TMEM135: variants seen among roughly 807,000 people sequenced by gnomAD.
TMEM135 encodes peroxisomal membrane protein 52.
A neutral mutation model predicts 60.3 loss-of-function variants in TMEM135; 30 were observed. The ratio of observed to expected loss-of-function variants is 0.50; its 90% CI spans 0.37 to 0.68. The LOEUF (loss-of-function observed/expected upper bound fraction) is 0.68, where lower values mean the gene tolerates loss of function less well. TMEM135 is among the 30% of genes least tolerant of loss of function. TMEM135 has a pLI of 0.00. For missense variants in TMEM135, 468 were observed against 548.8 expected (o/e 0.85, Z 1.47); for synonymous variants, 190 against 186.7 (o/e 1.02, Z -0.14).
At chr11:87,135,768 G>C (rs561877070) in intron 4 of TMEM135, among the ~76,000 whole-genome samples, 1 of 151,864 alleles carries the variant, frequency 6.6e-6, no homozygotes, top group Non-Finnish European at 1.5e-5. Flanking sequence ...TTCAATTTTT[G>C]TATAAAAAGC....
At position 87,046,126 on chromosome 11, in the gene TMEM135, C is replaced by T. The variant is rs556430917; in HGVS notation, c.141+7940C>T. 1.8e-4 allele frequency among the ~76,000 whole-genome samples: 28 copies of T among 152,262 alleles called. No homozygotes were observed. In the South Asian group the frequency reaches 5.8e-3, roughly 32 times the overall value. On this transcript the variant is annotated intron_variant, in intron 1 of 14. Coordinates refer to ENST00000305494, the MANE Select transcript of TMEM135 (RefSeq NM_022918.4). ...TATTAGATTAACAGTGTAACTCAGG[C>T]CGGGCATGGTGGCTCATGCCTGTAA...
At chr11:87,172,456 C>T (rs879555721) in intron 5 of TMEM135, among the ~76,000 whole-genome samples, 17 of 150,598 alleles carry the variant, frequency 1.1e-4, no homozygotes, top group Admixed American at 6.0e-4. Flanking sequence ...TTTTGTATTA[C>T]GACACGGTAT....
At chr11:87,317,991 C>T (rs888233268) in intron 12 of TMEM135, 146 bp from the exon 13 acceptor site, 48 of 675,370 alleles carry the variant, frequency 7.1e-5, no homozygotes, top group Admixed American at 1.4e-4. Flanking sequence ...TGACCCTTAA[C>T]ATCATTATGA....
At chr11:87,198,234 G>T (rs769149575) in intron 5 of TMEM135, among the ~76,000 whole-genome samples, 5 of 152,038 alleles carry the variant, frequency 3.3e-5, no homozygotes, top group African/African-American at 4.8e-5. Context: ...TCCCATATTT[G>T]AGTAAGAATG....
At chr11:87,306,559 C>A (rs1942546830) in intron 9 of TMEM135, among the ~76,000 whole-genome samples, 1 of 152,148 alleles carries the variant, frequency 6.6e-6, no homozygotes, top group Non-Finnish European at 1.5e-5. Flanking sequence ...AAATTCTTGA[C>A]TCCCTAGTGG....
At chr11:87,236,533 TTTA>T in intron 5 of TMEM135, 102 bp from the exon 6 acceptor site, 1 of 956,428 alleles carries the variant, frequency 1.0e-6, no homozygotes, top group Non-Finnish European at 1.7e-6. Context: ...TGTATATCCT[TTTA>T]TTGTTTCAGG....
At chr11:87,158,235 C>T (rs989044442) in intron 5 of TMEM135, among the ~76,000 whole-genome samples, 14 of 152,108 alleles carry the variant, frequency 9.2e-5, no homozygotes, top group African/African-American at 3.4e-4. Context: ...CCTTAGAATT[C>T]CCTATTCTTG....
chr11:87,096,176 A>G, intron 4 of TMEM135: 3 of 190,532 alleles, frequency 1.6e-5, no homozygotes, highest in South Asian at 1.2e-4. Flanking sequence ...GAAAACTAGC[A>G]AAAGTTTTTT....
chr11:87,309,793 T>C, intron 10 of TMEM135, 121 bp downstream of exon 10: 3 of 1,084,858 alleles, frequency 2.8e-6, no homozygotes, highest in Non-Finnish European at 4.0e-6. Context: ...CATACATATC[T>C]TGACATAACC....
intron 1 of TMEM135, among the ~76,000 whole-genome samples, chr11:87,047,800 G>T (rs1322447543): frequency 8.4e-6 from 1 of 118,666 alleles, no homozygotes; most frequent in Non-Finnish European, 1.7e-5. Context: ...GCTCCAACTG[G>T]GTGGAGCCCA....
intron 5 of TMEM135, among the ~76,000 whole-genome samples, chr11:87,182,937 A>G (rs1270682821): frequency 6.6e-6 from 1 of 151,986 alleles, no homozygotes; most frequent in Non-Finnish European, 1.5e-5. Context: ...ATGGTATTAG[A>G]TAGAATTTTT....
intron 5 of TMEM135, among the ~76,000 whole-genome samples, chr11:87,227,153 A>G (rs1940783427): frequency 6.6e-6 from 1 of 152,166 alleles, no homozygotes; most frequent in South Asian, 2.1e-4. Flanking sequence ...CACTCAATTC[A>G]GTGAAAGTAA....
intron 3 of TMEM135, among the ~76,000 whole-genome samples, chr11:87,077,094 A>G (rs1398223961): frequency 1.3e-5 from 2 of 152,216 alleles, no homozygotes; most frequent in Admixed American, 6.5e-5. Flanking sequence ...AACTGTTTCA[A>G]CACTACCAAG....
chr11:87,288,911 G>T (rs1942215019), intron 6 of TMEM135, among the ~76,000 whole-genome samples: 1 of 152,206 alleles, frequency 6.6e-6, no homozygotes, highest in South Asian at 2.1e-4. Flanking sequence ...GATTGTTTGA[G>T]TCCAGGAGTT....
intron 1 of TMEM135, among the ~76,000 whole-genome samples, chr11:87,053,035 A>G (rs1168798469): frequency 3.8e-5 from 5 of 130,326 alleles, no homozygotes; most frequent in Non-Finnish European, 7.9e-5. Flanking sequence ...GAAATTGGAA[A>G]CCATCATTCT....
intron 1 of TMEM135, among the ~76,000 whole-genome samples, chr11:87,061,922 C>T (rs189614057): frequency 7.2e-5 from 11 of 152,264 alleles, no homozygotes; most frequent in Admixed American, 3.9e-4. Context: ...TCCATACTTG[C>T]GTTTAATCAA....
chr11:87,263,416 A>G (rs1380815726), intron 6 of TMEM135, among the ~76,000 whole-genome samples: 1 of 152,120 alleles, frequency 6.6e-6, no homozygotes, highest in African/African-American at 2.4e-5. Flanking sequence ...AAAGCTGTCA[A>G]GATTTGGCTC....
chr11:87,135,511 G>T (rs1318681757), intron 4 of TMEM135, among the ~76,000 whole-genome samples: 1 of 56,038 alleles, frequency 1.8e-5, no homozygotes. Context: ...TTTTTTTAAC[G>T]GAATTACGTT....
At chr11:87,084,390 C>T (rs1330170880) in intron 3 of TMEM135, among the ~76,000 whole-genome samples, 1 of 151,782 alleles carries the variant, frequency 6.6e-6, no homozygotes, top group Non-Finnish European at 1.5e-5. Flanking sequence ...TCACTGCAGC[C>T]TTGATCTCTT....
Sources: allele counts gnomAD v4.1 joint callset (sites outside exome capture counted in the v4.1 genomes callset), GRCh38; gene constraint gnomAD v4.1.1; transcripts MANE v1.5; gene names NCBI Gene and HGNC (gene_info 2026-07-23, HGNC 2026-07-21).